Variants in CERS6 observed in about 807,000 individuals in gnomAD.
CERS6 encodes LAG1 homolog, ceramide synthase 6.
CERS6 carries 26 observed loss-of-function variants against 56.8 expected under a neutral mutation model. That is an observed-to-expected ratio of 0.46 (90% confidence interval 0.34 to 0.63). The LOEUF is 0.63. Among genes scored for constraint, CERS6 ranks in the 30% least tolerant of loss-of-function variants. The probability of loss-of-function intolerance (pLI) is 0.01; values close to 1 mark genes in which losing one functional copy is unlikely to be tolerated. For synonymous variants in CERS6, 164 were observed against 173.3 expected, an observed-to-expected ratio of 0.95 and a Z score of 0.42; for missense variants, 415 against 467.5, an observed-to-expected ratio of 0.89 and a Z score of 1.04.
At chr2:168,674,213 A>G (rs1333219422) in intron 4 of CERS6, among the ~76,000 whole-genome samples, 2 of 152,210 alleles carry the variant, frequency 1.3e-5, no homozygotes, top group African/African-American at 4.8e-5. Flanking sequence ...TAATTGCTTC[A>G]AAGTGTCCTC....
At chr2:168,691,941 C>T (rs746804470) in intron 5 of CERS6, among the ~76,000 whole-genome samples, 1 of 152,096 alleles carries the variant, frequency 6.6e-6, no homozygotes, top group African/African-American at 2.4e-5. Flanking sequence ...GGTGTTTGGT[C>T]TTTGGGGCGT....
chr2:168,593,089 C>G (rs775821524), intron 3 of CERS6, among the ~76,000 whole-genome samples: 5 of 152,182 alleles, frequency 3.3e-5, no homozygotes, highest in Non-Finnish European at 7.3e-5. Flanking sequence ...ATAACATCTT[C>G]CAATCTTTTT....
chr2:168,576,741 C>T (rs941530938), intron 3 of CERS6, among the ~76,000 whole-genome samples: 1 of 152,250 alleles, frequency 6.6e-6, no homozygotes, highest in East Asian at 1.9e-4. Context: ...CACCTATACA[C>T]ACATACATAC....
intron 1 of CERS6, among the ~76,000 whole-genome samples, chr2:168,512,407 T>C (rs1447218522): frequency 1.3e-5 from 2 of 152,202 alleles, no homozygotes; most frequent in Non-Finnish European, 2.9e-5. Context: ...TCTCCCTAAA[T>C]TCTTTTTCTT....
At chr2:168,639,941 A>G (rs142122925) in intron 4 of CERS6, among the ~76,000 whole-genome samples, 28 of 152,322 alleles carry the variant, frequency 1.8e-4, no homozygotes, top group African/African-American at 6.7e-4. Flanking sequence ...GTCATTGCTT[A>G]GGATTTATTA....
rs1025288844 is a variant in CERS6, at chr2:168,772,739, A to G, written c.*3077A>G. 16 of 152,670 alleles carry G rather than the reference A, an allele frequency of 1.0e-4. No homozygotes were observed. Among genetic ancestry groups the G allele is most frequent in the African/African-American group, 2.9e-4 (12 of 41,476 alleles). The allele number at this position is 152,670 out of a possible 1,614,324, so 9.5% of individuals were successfully genotyped here. A position where few individuals can be genotyped will look rare whatever the true frequency, so the allele number is the denominator to read the frequency against. On this transcript the variant is annotated 3_prime_UTR_variant, in exon 10 of 10. Coordinates refer to ENST00000305747, the MANE Select transcript of CERS6 (RefSeq NM_203463.3). ...AACTCTCAGTATTTTGGATTATTCA[A>G]GTGTATGTGGTAAAAATGCAGATGA...
At chr2:168,582,586 G>A (rs575562064) in intron 3 of CERS6, among the ~76,000 whole-genome samples, 7 of 151,632 alleles carry the variant, frequency 4.6e-5, no homozygotes, top group South Asian at 2.1e-4. Flanking sequence ...AAAAAAAAAC[G>A]CGTGCTATGC....
intron 4 of CERS6, among the ~76,000 whole-genome samples, chr2:168,652,796 C>A (rs1685378154): frequency 6.6e-6 from 1 of 152,126 alleles, no homozygotes; most frequent in Non-Finnish European, 1.5e-5. Flanking sequence ...TAAAAAAAAT[C>A]ACGATCTTCC....
chr2:168,670,180 A>G (rs147443025), intron 4 of CERS6, among the ~76,000 whole-genome samples: 2 of 152,360 alleles, frequency 1.3e-5, no homozygotes, highest in Admixed American at 1.3e-4. Context: ...CTTATAGAGC[A>G]GAGAATTGAA....
At chr2:168,615,748 C>T (rs528022974) in intron 3 of CERS6, among the ~76,000 whole-genome samples, 5 of 152,160 alleles carry the variant, frequency 3.3e-5, no homozygotes, top group East Asian at 1.9e-4. Context: ...TAAGAATAAT[C>T]GGTGTTCCTG....
intron 1 of CERS6, among the ~76,000 whole-genome samples, chr2:168,509,273 G>A (rs1404095319): frequency 2.0e-5 from 3 of 152,132 alleles, no homozygotes; most frequent in African/African-American, 7.2e-5. Flanking sequence ...GACAACAGCA[G>A]TAAAACCCAT....
intron 3 of CERS6, among the ~76,000 whole-genome samples, chr2:168,573,755 G>A (rs990696804): frequency 6.6e-6 from 1 of 152,084 alleles, no homozygotes; most frequent in African/African-American, 2.4e-5. Flanking sequence ...TGGGTGGCTG[G>A]GGGTGGAGCA....
chr2:168,475,875 G>A (rs1694060745), intron 1 of CERS6, among the ~76,000 whole-genome samples: 1 of 152,156 alleles, frequency 6.6e-6, no homozygotes, highest in Non-Finnish European at 1.5e-5. Flanking sequence ...GTGGCTTCAA[G>A]GCTTAGAATC....
intron 1 of CERS6, among the ~76,000 whole-genome samples, chr2:168,498,479 A>T (rs1376844955): frequency 1.3e-5 from 2 of 152,180 alleles, no homozygotes; most frequent in Non-Finnish European, 2.9e-5. Context: ...ACTTACACCA[A>T]GCAGGGTGGC....
intron 1 of CERS6, among the ~76,000 whole-genome samples, chr2:168,541,112 G>T (rs1695360136): frequency 5.6e-5 from 2 of 35,578 alleles, no homozygotes; most frequent in Non-Finnish European, 1.9e-4. Flanking sequence ...AGGGAGAGGT[G>T]CCAGGTTCTT....
intron 1 of CERS6, among the ~76,000 whole-genome samples, chr2:168,535,206 A>T (rs1695238262): frequency 6.6e-6 from 1 of 152,232 alleles, no homozygotes; most frequent in African/African-American, 2.4e-5. Flanking sequence ...TGGCTTAGAC[A>T]GCAGGCAGCC....
intron 2 of CERS6, among the ~76,000 whole-genome samples, chr2:168,560,139 T>C (rs995767236): frequency 4.6e-5 from 7 of 152,126 alleles, no homozygotes; most frequent in Non-Finnish European, 1.0e-4. Flanking sequence ...ATGTCCCATA[T>C]GGTGGCAGAC....
Position 168,769,933 on chromosome 2 carries a change from T to C in CERS6, c.*271T>C, listed in dbSNP as rs2105472166. The C allele has an allele frequency of 2.8e-6, 1 of 352,864 alleles. No homozygotes were observed. The highest frequency in any genetic ancestry group is 8.2e-5 in the East Asian group (1 of 12,152). 21.9% of individuals were successfully genotyped at this position (352,864 alleles called of 1,614,324 possible). On this transcript the variant is annotated 3_prime_UTR_variant, in exon 10 of 10. Coordinates refer to ENST00000305747, the MANE Select transcript of CERS6 (RefSeq NM_203463.3). ...AGAATATTATTTATTTTTTTGTATT[T>C]GTAAATCTGTGGACAAAAGAGGGTT...
intron 1 of CERS6, among the ~76,000 whole-genome samples, chr2:168,508,605 A>C (rs928847289): frequency 7.2e-5 from 11 of 152,112 alleles, no homozygotes; most frequent in African/African-American, 2.7e-4. Context: ...GCAAACTAAC[A>C]CAGGAACAGA....
Sources: gnomAD v4.1 joint callset for allele counts (sites outside exome capture counted in the v4.1 genomes callset) on GRCh38, gnomAD v4.1.1 for gene constraint, MANE v1.5 for transcripts, NCBI Gene and HGNC (gene_info 2026-07-23, HGNC 2026-07-21) for gene names.